SEMA4B: variants seen among roughly 807,000 people sequenced by gnomAD.
The protein encoded by SEMA4B is semaphorin-4B.
In SEMA4B, 55 loss-of-function variants were observed where a neutral mutation model predicts 88.1. The observed-to-expected ratio is 0.62, with a 90% CI of 0.50 to 0.78. The LOEUF is 0.78. Among genes scored for constraint, SEMA4B ranks in the 30% least tolerant of loss-of-function variants. The probability of loss-of-function intolerance (pLI) is 0.00; values close to 1 mark genes in which losing one functional copy is unlikely to be tolerated. For synonymous variants in SEMA4B, 525 were observed against 473.6 expected (o/e 1.11, Z -1.41); for missense variants, 1,062 against 1,111.9 (o/e 0.96, Z 0.64).
intron 1 of SEMA4B, among the ~76,000 whole-genome samples, chr15:90,216,369 C>G (rs981858503): frequency 6.6e-6 from 1 of 152,178 alleles, no homozygotes; most frequent in African/African-American, 2.4e-5. Flanking sequence ...ATTCCTCCCC[C>G]CAACATATTC....
At position 90,229,232 on chromosome 15, in the gene SEMA4B, T is replaced by C. The variant is rs959110270; in HGVS notation, c.*589T>C. The stretch of plus-strand genomic sequence containing the variant: ...CCACCTCAGGGACCAGAGGGCTAGG[T>C]TGGCACTGCGGCCCTCACCAGGTCC... On this transcript the variant is annotated 3_prime_UTR_variant, in exon 14 of 14. Transcript: ENST00000411539. The C allele has an allele frequency of 2.2e-6, 1 of 448,810 alleles. No homozygotes were observed. Among genetic ancestry groups the C allele is most frequent in the Middle Eastern group, 3.3e-4 (1 of 3,026 alleles). The allele number at this position is 448,810 out of a possible 1,614,324, so 27.8% of individuals were successfully genotyped here.
At chr15:90,209,788 G>C (rs953630837) in intron 1 of SEMA4B, among the ~76,000 whole-genome samples, 1 of 151,498 alleles carries the variant, frequency 6.6e-6, no homozygotes, top group Non-Finnish European at 1.5e-5. Context: ...TTAGTCAAAA[G>C]GAAAGCCTTC....
chr15:90,226,105 C>T (rs568154404), intron 12 of SEMA4B, among the ~76,000 whole-genome samples: 3 of 152,208 alleles, frequency 2.0e-5, no homozygotes, highest in South Asian at 2.1e-4. Flanking sequence ...AGCGTGTGAA[C>T]GTGCTTTAGT....
chr15:90,220,868 A>T (rs906785044), intron 4 of SEMA4B, 114 bp from the exon 5 acceptor site: 17 of 695,044 alleles, frequency 2.4e-5, no homozygotes, highest in Non-Finnish European at 4.4e-5. Flanking sequence ...CTTCTGTCCC[A>T]CACACCTCAC....
chr15:90,221,876 C>A, intron 7 of SEMA4B, 111 bp downstream of exon 7: 1 of 937,300 alleles, frequency 1.1e-6, no homozygotes, highest in Non-Finnish European at 1.6e-6. Context: ...AGGAGTACAG[C>A]TTGGCTAACA....
intron 9 of SEMA4B, among the ~76,000 whole-genome samples, chr15:90,224,236 G>A (rs74855253): frequency 6.6e-6 from 1 of 152,220 alleles, no homozygotes; most frequent in Non-Finnish European, 1.5e-5. Flanking sequence ...CTTGCTGCAG[G>A]CTGTTACAAT....
At chr15:90,197,175 C>G (rs57181662), upstream of SEMA4B, among the ~76,000 whole-genome samples, 1 of 151,934 alleles carries the variant, frequency 6.6e-6, no homozygotes, top group Non-Finnish European at 1.5e-5. Context: ...TCGCTTGAGT[C>G]CAGGAGTTTG....
intron 1 of SEMA4B, among the ~76,000 whole-genome samples, chr15:90,194,474 G>C (rs1960440637): frequency 6.6e-6 from 1 of 152,118 alleles, no homozygotes; most frequent in Non-Finnish European, 1.5e-5. Flanking sequence ...AGAGGTTGCA[G>C]TGAGCTGATA....
intron 9 of SEMA4B, 134 bp from the exon 10 acceptor site, chr15:90,224,834 G>A: frequency 2.7e-6 from 2 of 733,356 alleles, no homozygotes; most frequent in Non-Finnish European, 2.4e-6. Context: ...TGGCTCTGTA[G>A]AGCACTGCCA....
rs778364966 is a variant in SEMA4B at position 90,221,611 on chromosome 15, C to T, written c.710-3C>T. On this transcript the variant is annotated splice_region_variant and splice_polypyrimidine_tract_variant and intron_variant, in intron 6 of 13. Coordinates refer to ENST00000411539, the MANE Select transcript of SEMA4B (RefSeq NM_198925.4). The stretch of plus-strand genomic sequence containing the variant: ...CTCTGAGCTCCTGACCTGGTCCCTA[C>T]AGACCCAGCTTTTGTGGCCTCAGCC... The T allele has an allele frequency of 1.2e-6, 2 of 1,614,006 alleles. No individual in the cohort carries two copies. The highest frequency in any genetic ancestry group is 1.7e-5 in the Admixed American group (1 of 60,032).
upstream of SEMA4B, among the ~76,000 whole-genome samples, chr15:90,197,469 G>A (rs112672367): frequency 2.0e-5 from 3 of 151,942 alleles, no homozygotes; most frequent in Non-Finnish European, 4.4e-5. Context: ...ACGGAGTCTC[G>A]CTCTGTCCCC....
chr15:90,216,886 G>T (rs1961556393), intron 1 of SEMA4B, among the ~76,000 whole-genome samples: 1 of 152,118 alleles, frequency 6.6e-6, no homozygotes, highest in Non-Finnish European at 1.5e-5. Flanking sequence ...GCATTACTCT[G>T]TCAATGCAAA....
chr15:90,204,247 C>A (rs1960884058), intron 1 of SEMA4B, among the ~76,000 whole-genome samples: 1 of 152,184 alleles, frequency 6.6e-6, no homozygotes, highest in Non-Finnish European at 1.5e-5. Context: ...ATATTACACA[C>A]CCCTCTTTCC....
At chr15:90,219,730 G>A (rs1309169038) in intron 3 of SEMA4B, 63 bp from the exon 4 acceptor site, 60 of 1,309,310 alleles carry the variant, frequency 4.6e-5, no homozygotes, top group Non-Finnish European at 6.2e-5. Context: ...GGGGGGGCTC[G>A]GCGGTGCCCC....
At chr15:90,220,875 T>G (rs2151619273) in intron 4 of SEMA4B, 107 bp from the exon 5 acceptor site, 1 of 714,170 alleles carries the variant, frequency 1.4e-6, no homozygotes, top group East Asian at 2.8e-5. Context: ...CCCACACACC[T>G]CACCTGCCTG....
At chr15:90,218,555 A>G (rs1214935458) in intron 3 of SEMA4B, among the ~76,000 whole-genome samples, 1 of 152,224 alleles carries the variant, frequency 6.6e-6, no homozygotes, top group Non-Finnish European at 1.5e-5. Flanking sequence ...CGGGAGGCTG[A>G]GGCAGGTGGA....
intron 1 of SEMA4B, among the ~76,000 whole-genome samples, chr15:90,216,214 A>T (rs554340564): frequency 6.6e-6 from 1 of 152,022 alleles, no homozygotes; most frequent in Non-Finnish European, 1.5e-5. Flanking sequence ...TCTCGAACTC[A>T]GGTGATCCAC....
chr15:90,229,519 C>T lies in SEMA4B; in HGVS notation c.*876C>T. ...TCCTCTCCCCAGTCCCCAGTTCACC[C>T]TCCATCCCTCACCTTCCTCCACTCT... On this transcript the variant is annotated 3_prime_UTR_variant, in exon 14 of 14. Transcript: ENST00000411539. 1 of 410,280 alleles carries T rather than the reference C, an allele frequency of 2.4e-6. No individual in the cohort carries two copies. The highest frequency in any genetic ancestry group is 1.8e-5 in the South Asian group (1 of 55,608). The allele number at this position is 410,280 out of a possible 1,614,324, so 25.4% of individuals were successfully genotyped here. A position where few individuals can be genotyped will look rare whatever the true frequency, so the allele number is the denominator to read the frequency against.
Position 90,217,123 on chromosome 15 carries a change from T to G in SEMA4B, c.158-316T>G, listed in dbSNP as rs1961567787. ...CCAGCTGTATAGTATTCAGTTGGATTGAGGCATCATAATTTATTTTGACAA... is the reference window on the plus strand; with the variant it reads ...CCAGCTGTATAGTATTCAGTTGGATGGAGGCATCATAATTTATTTTGACAA... On this transcript the variant is annotated intron_variant, in intron 1 of 13. Transcript: ENST00000411539. 1.2e-5 allele frequency: 3 copies of G among 243,446 alleles called. No individual in the cohort carries two copies. In the East Asian group the frequency reaches 2.8e-4, roughly 23 times the overall value. The allele number at this position is 243,446 out of a possible 1,614,324, so 15.1% of individuals were successfully genotyped here.
Sources: allele counts gnomAD v4.1 joint callset (sites outside exome capture counted in the v4.1 genomes callset), GRCh38; gene constraint gnomAD v4.1.1; transcripts MANE v1.5; gene names NCBI Gene and HGNC (gene_info 2026-07-23, HGNC 2026-07-21).